TNXB: variants seen among roughly 807,000 people sequenced by gnomAD.
TNXB encodes the protein tenascin XB.
A neutral mutation model predicts 340.5 loss-of-function variants in TNXB; 183 were observed. That is an observed-to-expected ratio of 0.54 (90% CI 0.48 to 0.61). TNXB has a LOEUF of 0.61. TNXB is among the 20% of genes least tolerant of loss of function. The pLI, the probability that TNXB is intolerant of heterozygous loss-of-function variation, is 0.00. For synonymous variants in TNXB, 2,121 were observed against 2,314.5 expected (o/e 0.92, Z 2.40); for missense variants, 4,613 against 5,446.4 (o/e 0.85, Z 4.82).
chr6:32,089,359 TG>T lies in TNXB; in HGVS notation c.2378del (p.Pro793HisfsTer47). 6.2e-7 allele frequency: 1 copy of T among 1,607,568 alleles called. No individual in the cohort carries two copies. On this transcript the variant is annotated frameshift_variant, in exon 5 of 44. Coordinates refer to ENST00000644971, the MANE Select transcript of TNXB (RefSeq NM_001365276.2). LOFTEE classifies it high-confidence loss of function. The surrounding 1 kb of genome is among the most constrained non-coding windows in gnomAD (Gnocchi z 6.2). ...CAGAGCTTGGAACCCGTGCTGTGAA[TG>T]GGGGGCTCGCCCCCTCTGTCTGTGA... ...FIPTTEGASPPFTARVPSSAS... is the reference protein window; with the variant it reads ...FIPTTEGASPXFTARVPSSAS...
At chr6:32,086,464 T>C (rs1184046611) in intron 6 of TNXB, among the ~76,000 whole-genome samples, 1 of 152,004 alleles carries the variant, frequency 6.6e-6, no homozygotes, top group Non-Finnish European at 1.5e-5. Context: ...TGGCTTCCAT[T>C]AGTGCTGCAG....
Position 32,069,529 on chromosome 6 carries a change from G to T in TNXB, c.5587+24C>A, listed in dbSNP as rs780213236. 9 of 1,533,578 alleles carry T rather than the reference G, an allele frequency of 5.9e-6. No homozygotes were observed. The highest frequency in any genetic ancestry group is 7.0e-6 in the Non-Finnish European group (8 of 1,137,878). 95.0% of individuals were successfully genotyped at this position (1,533,578 alleles called of 1,614,324 possible). A position where few individuals can be genotyped will look rare whatever the true frequency, so the allele number is the denominator to read the frequency against. On this transcript the variant is annotated intron_variant, in intron 15 of 43. Transcript: ENST00000644971. This position sits in a 1 kb window ranked among gnomAD's most constrained non-coding sequence, Gnocchi z 6.2. ...AGAGCCAGGCGGGAAGGAGGCACAG[G>T]TGTTCCAGCTGCCGCACACTCACCA...
chr6:32,048,649 C>T lies in TNXB; in HGVS notation c.9759G>A (p.Ala3253=), dbSNP rs750659800. The change falls in exon 29 of 44, where the codon GCG becomes GCA. Residue 3253 remains alanine, a splice_region_variant and synonymous_variant. Transcript: ENST00000644971. ...VGPVSTVGIT[A]PLPTPLPVEP... The stretch of plus-strand genomic sequence containing the variant: ...CCACCGGCAGTGGTGTGGGCAGGGG[C>T]GCTGAAAAGAGCAGAGCAGGCCCAT... 51 of 1,468,070 alleles carry T rather than the reference C, an allele frequency of 3.5e-5. No individual in the cohort carries two copies. Among genetic ancestry groups the T allele is most frequent in the Non-Finnish European group, 4.3e-5 (48 of 1,103,686 alleles). 90.9% of individuals were successfully genotyped at this position (1,468,070 alleles called of 1,614,324 possible). A position where few individuals can be genotyped will look rare whatever the true frequency, so the allele number is the denominator to read the frequency against.
At chr6:32,095,213 G>A in intron 3 of TNXB, 22 bp from the exon 4 acceptor site, 1 of 1,543,878 alleles carries the variant, frequency 6.5e-7, no homozygotes, top group African/African-American at 1.4e-5. Context: ...AATGGGTTAG[G>A]GAAAGCTGGT....
At chr6:32,063,229 A>G (rs1778139890) in intron 19 of TNXB, among the ~76,000 whole-genome samples, 1 of 151,966 alleles carries the variant, frequency 6.6e-6, no homozygotes, top group Admixed American at 6.5e-5. Context: ...CTGTACTAAA[A>G]ATACAAAAAT....
In TNXB at chr6:32,097,765, T is replaced by A. The variant is rs2127293951; in HGVS notation, c.403+31A>T. ...CTAGCAATGCCCACCCCACCCCACCTCTCCACCCTCTTCTGTGATCACCTG... is the reference window on the plus strand; with the variant it reads ...CTAGCAATGCCCACCCCACCCCACCACTCCACCCTCTTCTGTGATCACCTG... On this transcript the variant is annotated intron_variant, in intron 2 of 43. Transcript: ENST00000644971. This position sits in a 1 kb window ranked among gnomAD's most constrained non-coding sequence, Gnocchi z 5.9. The A allele has an allele frequency of 6.7e-7, 1 of 1,494,326 alleles. No individual in the cohort carries two copies. The allele number at this position is 1,494,326 out of a possible 1,614,324, so 92.6% of individuals were successfully genotyped here.
Position 32,048,542 on chromosome 6 carries a change from A to T in TNXB, c.9866T>A (p.Phe3289Tyr). The T allele has an allele frequency of 6.3e-7, 1 of 1,590,312 alleles. No individual in the cohort carries two copies. Among genetic ancestry groups the T allele is most frequent in the Non-Finnish European group, 8.6e-7 (1 of 1,167,132 alleles). Reference protein sequence around the residue: ...GLSWTVAQGPFDSFLVQYRDA... With the variant: ...GLSWTVAQGPYDSFLVQYRDA... ...CCTGTACTGTACCAGGAAGGAGTCA[A>T]AGGGGCCCTGGGCCACCGTCCATGA... The change falls in exon 29 of 44, where the codon TTT (phenylalanine) becomes TAT (tyrosine). Residue 3289 changes from phenylalanine to tyrosine, a missense_variant. By Grantham distance (22) the Phe-to-Tyr change is conservative (BLOSUM62 3). Transcript: ENST00000644971.
Position 32,073,650 on chromosome 6 carries a change from T to C in TNXB, c.4678A>G (p.Thr1560Ala). The change falls in exon 12 of 44, where the codon ACG (threonine) becomes GCG (alanine). Residue 1560 changes from threonine (T) to alanine (A), a missense_variant. Around this residue, in one of 7 missense-constraint regions of TNXB, gnomAD observed 4,327 missense variants for 4,859.4 expected, o/e 0.89. Coordinates refer to ENST00000644971, the MANE Select transcript of TNXB (RefSeq NM_001365276.2). The surrounding 1 kb of genome is among the most constrained non-coding windows in gnomAD (Gnocchi z 4.6). Reference sequence around the variant, plus strand: ...ACTGAGTCCCCCCATTACTCACCCGTCACGATGACCACAGACAGGGGGCCC... The same window carrying C: ...ACTGAGTCCCCCCATTACTCACCCGCCACGATGACCACAGACAGGGGGCCC... ...RMGPLSVVIV[T>A]APLPPAPATE... 1 of 1,606,014 alleles carries C rather than the reference T, an allele frequency of 6.2e-7. No individual in the cohort carries two copies. The highest frequency in any genetic ancestry group is 1.1e-5 in the South Asian group (1 of 90,180).
chr6:32,043,580 A>C (rs1776597386), intron 35 of TNXB, 24 bp from the exon 36 acceptor site: 1 of 1,124,890 alleles, frequency 8.9e-7, no homozygotes, highest in Non-Finnish European at 1.3e-6. Context: ...AGGGGCTCAG[A>C]AGGGTCCCCG....
rs367809743 is a variant in TNXB at position 32,055,860 on chromosome 6, C to A, written c.8458G>T (p.Gly2820Cys). The A allele has an allele frequency of 6.8e-6, 11 of 1,611,396 alleles. No homozygotes were observed. The highest frequency in any genetic ancestry group is 1.3e-5 in the African/African-American group (1 of 74,882). The part of the protein sequence containing the change: ...GRRVGPVSTV[G>C]VTAPEDEAET... ...ACTCACAAACACTCACCTGTCACAC[C>A]CACGGTGGACACCGGGCCCACACGC... Residue 2820 changes from glycine (G) to cysteine (C), a missense_variant, in exon 24 of 44, where the codon GGT (glycine) becomes TGT (cysteine). By Grantham distance (159) the Gly-to-Cys change is radical (BLOSUM62 -3). Around this residue, in one of 7 missense-constraint regions of TNXB, gnomAD observed 4,327 missense variants for 4,859.4 expected, o/e 0.89. Transcript: ENST00000644971.
Position 32,049,966 on chromosome 6 carries a change from C to T in TNXB, c.9439+32G>A, listed in dbSNP as rs566758495. ...AGAGCAAGAGGTGGCCCTCCCACAG[C>T]TCCCACCCTGGGGCTCCCATCATTC... On this transcript the variant is annotated intron_variant, in intron 27 of 43. Coordinates refer to ENST00000644971, the MANE Select transcript of TNXB (RefSeq NM_001365276.2). This position sits in a 1 kb window ranked among gnomAD's most constrained non-coding sequence, Gnocchi z 4.5. 2 of 1,611,660 alleles carry T rather than the reference C, an allele frequency of 1.2e-6. No individual in the cohort carries two copies. Among genetic ancestry groups the T allele is most frequent in the Non-Finnish European group, 1.7e-6 (2 of 1,178,114 alleles).
Position 32,062,391 on chromosome 6 carries a change from T to C in TNXB, c.6934A>G (p.Thr2312Ala). 2 of 1,613,288 alleles carry C rather than the reference T, an allele frequency of 1.2e-6. No homozygotes were observed. Among genetic ancestry groups the C allele is most frequent in the Non-Finnish European group, 1.7e-6 (2 of 1,179,870 alleles). ...CTGAGGGAGTCAGGGGTCGCATCTG[T>C]CACGGTCAGCTCCTCCAGGCGAGGC... is the stretch of plus-strand genomic sequence containing the variant. ...IKPRLEELTVTDATPDSLSLS... is the reference protein window; with the variant it reads ...IKPRLEELTVADATPDSLSLS... Residue 2312 changes from threonine to alanine, a missense_variant, in exon 20 of 44, where the codon ACA becomes GCA. Around this residue, in one of 7 missense-constraint regions of TNXB, gnomAD observed 4,327 missense variants for 4,859.4 expected, o/e 0.89. Transcript: ENST00000644971. This position sits in a 1 kb window ranked among gnomAD's most constrained non-coding sequence, Gnocchi z 4.3.
At position 32,049,458 on chromosome 6, in the gene TNXB, T is replaced by G. The variant is rs765391494; in HGVS notation, c.9569A>C (p.Gln3190Pro). 1.9e-6 allele frequency: 3 copies of G among 1,612,658 alleles called. No individual in the cohort carries two copies. The South Asian group carries it at 3.3e-5, about 18-fold the overall frequency. Residue 3190 changes from glutamine to proline, a missense_variant, in exon 28 of 44, where the codon CAG becomes CCG. Physicochemically the swap from Gln to Pro is moderately conservative, Grantham distance 76. Coordinates refer to ENST00000644971, the MANE Select transcript of TNXB (RefSeq NM_001365276.2). The surrounding 1 kb of genome is among the most constrained non-coding windows in gnomAD (Gnocchi z 4.5). ...CACGGTGAAGGAGTCGAAGCGGCCC[T>G]GGGGGACGGTCCAGGAGAGGCTCAG... The part of the protein sequence containing the change: ...DSLSLSWTVP[Q>P]GRFDSFTVQY...
In TNXB at chr6:32,084,829, T is replaced by A; in HGVS notation, c.3149-120A>T. The stretch of plus-strand genomic sequence containing the variant: ...GGATAGATCCCTCCCCGGAAGACTC[T>A]ATCTGCCCACCCCTCAGTGACTAGC... On this transcript the variant is annotated intron_variant, in intron 7 of 43. Coordinates refer to ENST00000644971, the MANE Select transcript of TNXB (RefSeq NM_001365276.2). The surrounding 1 kb of genome is among the most constrained non-coding windows in gnomAD (Gnocchi z 5.5). The A allele has an allele frequency of 1.2e-6, 1 of 858,414 alleles. No individual in the cohort carries two copies. Among genetic ancestry groups the A allele is most frequent in the Non-Finnish European group, 1.7e-6 (1 of 598,954 alleles). The allele number at this position is 858,414 out of a possible 1,614,324, so 53.2% of individuals were successfully genotyped here. A position where few individuals can be genotyped will look rare whatever the true frequency, so the allele number is the denominator to read the frequency against.
In TNXB at chr6:32,089,106, T is replaced by G; in HGVS notation, c.2516-58A>C. On this transcript the variant is annotated intron_variant, in intron 5 of 43. Coordinates refer to ENST00000644971, the MANE Select transcript of TNXB (RefSeq NM_001365276.2). This position sits in a 1 kb window ranked among gnomAD's most constrained non-coding sequence, Gnocchi z 6.2. ...TGTCTGGTTCTTCAATCATCATCTT[T>G]CCTTCCAAGAGCCTAGCCCCCATCC... 1.3e-6 allele frequency: 2 copies of G among 1,589,322 alleles called. No homozygotes were observed. Among genetic ancestry groups the G allele is most frequent in the Non-Finnish European group, 1.7e-6 (2 of 1,166,208 alleles).
chr6:32,095,560 T>C (rs1276434661), intron 3 of TNXB, 51 bp downstream of exon 3: 1 of 1,570,370 alleles, frequency 6.4e-7, no homozygotes, highest in Non-Finnish European at 8.7e-7. Flanking sequence ...CCATGGCTCC[T>C]GTTCACAGAA....
At position 32,070,134 on chromosome 6, in the gene TNXB, G is replaced by A. The variant is rs2151916698; in HGVS notation, c.5271C>T (p.Gly1757=). 6.4e-7 allele frequency: 1 copy of A among 1,570,552 alleles called. No homozygotes were observed. Among genetic ancestry groups the A allele is most frequent in the Non-Finnish European group, 8.7e-7 (1 of 1,154,790 alleles). The change falls in exon 14 of 44, where the codon GGC becomes GGT. Residue 1757 remains glycine, a synonymous_variant. Transcript: ENST00000644971. This position sits in a 1 kb window ranked among gnomAD's most constrained non-coding sequence, Gnocchi z 6.0. ...GCAGGGAATGCCCCTCACCCGTGGT[G>A]CCGTCGGCAGTGAGAGGGCCATGGC... ...KKRHGPLTAD[G]TTEARSAMDD... is the part of the protein sequence containing the mutation.
chr6:32,089,188 C>T lies in TNXB; in HGVS notation c.2515+35G>A. ...ATTCCCTCTCTAGTCCAGATCTCCA[C>T]TCAGGACACCCCTCCCCACAGCCCC... is the stretch of plus-strand genomic sequence containing the variant. On this transcript the variant is annotated intron_variant, in intron 5 of 43. Transcript: ENST00000644971. The surrounding 1 kb of genome is among the most constrained non-coding windows in gnomAD (Gnocchi z 6.2). The T allele has an allele frequency of 6.3e-7, 1 of 1,575,454 alleles. No homozygotes were observed. Among genetic ancestry groups the T allele is most frequent in the Non-Finnish European group, 8.6e-7 (1 of 1,159,756 alleles).
chr6:32,057,920 T>A, intron 22 of TNXB, 138 bp downstream of exon 22: 3 of 1,141,180 alleles, frequency 2.6e-6, no homozygotes, highest in Non-Finnish European at 2.4e-6. Flanking sequence ...TGTCTCTCCA[T>A]GACATGTCTT....
Sources: gnomAD v4.1 joint callset for allele counts (sites outside exome capture counted in the v4.1 genomes callset) on GRCh38, gnomAD v4.1.1 for gene constraint, gnomAD v4.1.1 regional missense constraint, Gnocchi (gnomAD v3.1) non-coding constraint, MANE v1.5 for transcripts, NCBI Gene and HGNC (gene_info 2026-07-23, HGNC 2026-07-21) for gene names.